Variants in GRAMD1B observed in about 807,000 individuals in gnomAD.
The protein encoded by GRAMD1B is protein Aster-B.
Under a neutral mutation model 99.7 loss-of-function variants are expected in GRAMD1B, and 37 were observed. The ratio of observed to expected loss-of-function variants is 0.37; its 90% CI spans 0.29 to 0.49. The LOEUF (loss-of-function observed/expected upper bound fraction) is 0.49. GRAMD1B is among the 20% of genes least tolerant of loss of function. The pLI, the probability that GRAMD1B is intolerant of heterozygous loss-of-function variation, is 0.98. For missense variants in GRAMD1B, 888 were observed against 1,009.2 expected, an observed-to-expected ratio of 0.88 and a Z score of 1.63; for synonymous variants, 427 against 387.6, an observed-to-expected ratio of 1.10 and a Z score of -1.19.
At chr11:123,505,841 CCTT>C (rs1940371561) in intron 2 of GRAMD1B, among the ~76,000 whole-genome samples, 1 of 152,160 alleles carries the variant, frequency 6.6e-6, no homozygotes, top group Non-Finnish European at 1.5e-5. Context: ...TCTCTTTCTT[CCTT>C]CTTCTTTCTT....
intron 2 of GRAMD1B, among the ~76,000 whole-genome samples, chr11:123,551,552 T>C (rs1326385166): frequency 6.6e-6 from 1 of 152,212 alleles, no homozygotes; most frequent in Non-Finnish European, 1.5e-5. Context: ...GGGCAGACCA[T>C]GTCCAAAACT....
chr11:123,472,101 T>C (rs1591634489), intron 1 of GRAMD1B, among the ~76,000 whole-genome samples: 1 of 151,916 alleles, frequency 6.6e-6, no homozygotes, highest in Non-Finnish European at 1.5e-5. Flanking sequence ...GGCATGGTGG[T>C]GCGGGCCTGT....
intron 1 of GRAMD1B, among the ~76,000 whole-genome samples, chr11:123,477,520 C>A (rs1951348807): frequency 6.6e-6 from 1 of 151,508 alleles, no homozygotes; most frequent in African/African-American, 2.4e-5. Flanking sequence ...CAAAGTCATT[C>A]CAAATCCTAG....
rs934982391 is a variant in GRAMD1B at position 123,450,033 on chromosome 11, C to T, written c.374+18867C>T. ...TCACCACACCTGAACCAGAGACTGC[C>T]GTTCTAAAGGTAGTCTCTATTCAGG... On this transcript the variant is annotated intron_variant, in intron 1 of 19. Transcript: ENST00000635736. 9.2e-5 allele frequency among the ~76,000 whole-genome samples: 14 copies of T among 152,084 alleles called. 1 individual carries two copies. The highest frequency in any genetic ancestry group is 5.9e-4 in the Admixed American group (9 of 15,276).
At chr11:123,559,782 A>G (rs1193895721) in intron 2 of GRAMD1B, 1 of 616,946 alleles carries the variant, frequency 1.6e-6, no homozygotes, top group East Asian at 1.4e-4. Flanking sequence ...GAGCAGCTAC[A>G]CTGAAGAGGC....
intron 1 of GRAMD1B, among the ~76,000 whole-genome samples, chr11:123,383,909 T>G (rs1946971587): frequency 6.6e-6 from 1 of 151,994 alleles, no homozygotes; most frequent in Non-Finnish European, 1.5e-5. Flanking sequence ...CTTGCTCTGT[T>G]GCCCAGGCTG....
intron 2 of GRAMD1B, among the ~76,000 whole-genome samples, chr11:123,526,933 T>C (rs1435083571): frequency 6.6e-6 from 1 of 152,230 alleles, no homozygotes; most frequent in East Asian, 1.9e-4. Flanking sequence ...GGCAGGTGAA[T>C]TGGCTTTTCA....
intron 1 of GRAMD1B, 39 bp downstream of exon 1, chr11:123,431,205 C>A (rs944182421): frequency 8.7e-5 from 59 of 675,534 alleles, no homozygotes; most frequent in Admixed American, 2.5e-4. Context: ...CCTTCCCTCC[C>A]GTCCTCTCCA....
chr11:123,596,248 G>A (rs571376987), intron 7 of GRAMD1B, among the ~76,000 whole-genome samples: 1 of 152,310 alleles, frequency 6.6e-6, no homozygotes, highest in South Asian at 2.1e-4. Flanking sequence ...CATTGGACCT[G>A]GAGCCAGAAT....
chr11:123,548,325 T>TATATATAC (rs1555067740), intron 2 of GRAMD1B, among the ~76,000 whole-genome samples: 18 of 86,890 alleles, frequency 2.1e-4, no homozygotes, highest in Non-Finnish European at 3.1e-4. Flanking sequence ...TATATATATA[T>TATATATAC]ACACACACAC....
chr11:123,583,242 T>C (rs1949617894), intron 3 of GRAMD1B, among the ~76,000 whole-genome samples: 1 of 150,304 alleles, frequency 6.7e-6, no homozygotes, highest in Non-Finnish European at 1.5e-5. Flanking sequence ...TGTGCATGTC[T>C]GTGTGAATGT....
At position 123,366,156 on chromosome 11, in the gene GRAMD1B, G is replaced by A. The variant is rs538441518; in HGVS notation, c.-176+7357G>A. 4.6e-4 allele frequency among the ~76,000 whole-genome samples: 70 copies of A among 152,310 alleles called. 1 individual carries two copies. Among genetic ancestry groups the A allele is most frequent in the African/African-American group, 1.6e-3 (66 of 41,560 alleles). On this transcript the variant is annotated intron_variant, in intron 1 of 20. Transcript: ENST00000638157. The stretch of plus-strand genomic sequence containing the variant: ...AATTTCTGGTCCTGGCTTGTCTTTT[G>A]CATGCACGAGCTTCCTGCTATTTGT...
chr11:123,416,075 A>T (rs1047092336), intron 1 of GRAMD1B, among the ~76,000 whole-genome samples: 1 of 152,226 alleles, frequency 6.6e-6, no homozygotes, highest in Non-Finnish European at 1.5e-5. Context: ...TGATTTCACT[A>T]TAATGTATAG....
chr11:123,543,806 G>A (rs1482034126), intron 2 of GRAMD1B, among the ~76,000 whole-genome samples: 1 of 152,162 alleles, frequency 6.6e-6, no homozygotes, highest in African/African-American at 2.4e-5. Context: ...TCAGCCCGCT[G>A]CCTGTTTTTG....
intron 3 of GRAMD1B, among the ~76,000 whole-genome samples, chr11:123,583,584 C>T (rs947055767): frequency 4.6e-5 from 7 of 152,138 alleles, no homozygotes; most frequent in African/African-American, 1.7e-4. Flanking sequence ...CTTAGCTATC[C>T]CTCCTGTTCC....
chr11:123,582,617 C>G (rs527244702), intron 3 of GRAMD1B, among the ~76,000 whole-genome samples: 21 of 152,276 alleles, frequency 1.4e-4, no homozygotes, highest in African/African-American at 4.6e-4. Flanking sequence ...AGAAGCAGCC[C>G]CACCCACGCG....
chr11:123,603,023 C>A (rs1952180004), intron 8 of GRAMD1B, among the ~76,000 whole-genome samples: 1 of 152,196 alleles, frequency 6.6e-6, no homozygotes, highest in African/African-American at 2.4e-5. Flanking sequence ...GTCAGGGGAC[C>A]TCTGGGCATT....
At chr11:123,457,995 C>T (rs1456236918) in intron 1 of GRAMD1B, among the ~76,000 whole-genome samples, 1 of 152,168 alleles carries the variant, frequency 6.6e-6, no homozygotes, top group Admixed American at 6.5e-5. Context: ...GGATTACAGG[C>T]GTAAGCCACC....
At chr11:123,533,207 G>A (rs1447895526) in intron 2 of GRAMD1B, among the ~76,000 whole-genome samples, 1 of 152,094 alleles carries the variant, frequency 6.6e-6, no homozygotes, top group Non-Finnish European at 1.5e-5. Flanking sequence ...CCGAACTCAG[G>A]TGATCTGCCC....
Sources: allele counts gnomAD v4.1 joint callset (sites outside exome capture counted in the v4.1 genomes callset), GRCh38; gene constraint gnomAD v4.1.1; transcripts MANE v1.5; gene names NCBI Gene and HGNC (gene_info 2026-07-23, HGNC 2026-07-21).